The following AGMO variants were observed in gnomAD, a reference collection of about 807,000 sequenced individuals.
AGMO encodes the protein glyceryl-ether monooxygenase.
AGMO carries 75 observed loss-of-function variants against 60.2 expected under a neutral mutation model. The observed-to-expected ratio is 1.25, with a 90% CI of 1.03 to 1.51. The LOEUF is 1.51. Ranked by LOEUF, AGMO falls within the 40% of genes most tolerant of loss-of-function variation. The pLI is 0.00. For synonymous variants in AGMO, 261 were observed against 177.1 expected, an observed-to-expected ratio of 1.47 and a Z score of -3.76; for missense variants, 763 against 525.5, an observed-to-expected ratio of 1.45 and a Z score of -4.42.
chr7:15,354,244 A>T (rs527481543), intron 12 of AGMO, among the ~76,000 whole-genome samples: 3 of 150,758 alleles, frequency 2.0e-5, no homozygotes, highest in South Asian at 2.1e-4. Flanking sequence ...GTACCATTAC[A>T]GAACAGTAAA....
chr7:15,352,327 CT>C (rs1782271639), intron 12 of AGMO, among the ~76,000 whole-genome samples: 1 of 152,126 alleles, frequency 6.6e-6, no homozygotes, highest in Non-Finnish European at 1.5e-5. Context: ...TGGAAAATTC[CT>C]TCTCAGATTT....
intron 12 of AGMO, among the ~76,000 whole-genome samples, chr7:15,344,180 T>G (rs1781953237): frequency 6.6e-6 from 1 of 152,168 alleles, no homozygotes; most frequent in Non-Finnish European, 1.5e-5. Flanking sequence ...AAACAATGTA[T>G]GGCACATAGA....
At chr7:15,122,807 C>T in the AGMO span, among the ~76,000 whole-genome samples, 2 of 152,108 alleles carry the variant, frequency 1.3e-5, no homozygotes, top group Admixed American at 1.3e-4. Context: ...TTATGATACA[C>T]TTATTTGTTT....
chr7:15,220,983 C>T (rs1781901851), intron 12 of AGMO, among the ~76,000 whole-genome samples: 1 of 151,974 alleles, frequency 6.6e-6, no homozygotes, highest in Non-Finnish European at 1.5e-5. Context: ...TAAAAACATT[C>T]AAGAAAGTTG....
At chr7:15,147,739 A>G in the AGMO span, among the ~76,000 whole-genome samples, 5 of 152,160 alleles carry the variant, frequency 3.3e-5, no homozygotes, top group African/African-American at 1.2e-4. Context: ...TGTCTCTATC[A>G]AAGAGGGAAA....
intron 12 of AGMO, among the ~76,000 whole-genome samples, chr7:15,210,856 T>C (rs1233657358): frequency 1.3e-5 from 2 of 152,052 alleles, no homozygotes; most frequent in African/African-American, 4.8e-5. Flanking sequence ...AAATAAGTAC[T>C]GAATAAAAGC....
At chr7:15,406,922 TACACACGCGC>T (rs1784714892) in intron 5 of AGMO, among the ~76,000 whole-genome samples, 1 of 109,938 alleles carries the variant, frequency 9.1e-6, no homozygotes, top group African/African-American at 3.6e-5. Context: ...TTGTTTGGAA[TACACACGCGC>T]ACACACACAC....
intron 5 of AGMO, among the ~76,000 whole-genome samples, chr7:15,407,359 G>T (rs959202728): frequency 1.3e-5 from 2 of 150,618 alleles, no homozygotes; most frequent in Non-Finnish European, 3.0e-5. Context: ...TAGAATAGAA[G>T]GAAAGATTAT....
At chr7:15,145,463 T>C in the AGMO span, among the ~76,000 whole-genome samples, 2 of 152,142 alleles carry the variant, frequency 1.3e-5, no homozygotes, top group Non-Finnish European at 2.9e-5. Context: ...CATAAATATG[T>C]AGATATGTAG....
intron 12 of AGMO, among the ~76,000 whole-genome samples, chr7:15,246,971 A>C (rs1782761203): frequency 6.6e-6 from 1 of 152,010 alleles, no homozygotes; most frequent in Admixed American, 6.6e-5. Flanking sequence ...ATGCCTGGCT[A>C]ATTTGTGTAC....
At chr7:15,356,822 T>C (rs1009023072) in intron 12 of AGMO, among the ~76,000 whole-genome samples, 1 of 151,750 alleles carries the variant, frequency 6.6e-6, no homozygotes, top group South Asian at 2.1e-4. Flanking sequence ...ATAAAAATAT[T>C]AGGGCCCGGT....
intron 12 of AGMO, among the ~76,000 whole-genome samples, chr7:15,344,788 T>A (rs1474661604): frequency 6.6e-6 from 1 of 152,214 alleles, no homozygotes; most frequent in Non-Finnish European, 1.5e-5. Flanking sequence ...TAGATGCACT[T>A]GAGTAGTGTG....
intron 3 of AGMO, among the ~76,000 whole-genome samples, chr7:15,470,287 A>C (rs1583585323): frequency 6.6e-6 from 1 of 152,066 alleles, no homozygotes; most frequent in South Asian, 2.1e-4. Context: ...GGAAACAAAA[A>C]CTAGATGGAA....
At chr7:15,280,752 G>A (rs957695986) in intron 12 of AGMO, among the ~76,000 whole-genome samples, 1 of 152,182 alleles carries the variant, frequency 6.6e-6, no homozygotes, top group Non-Finnish European at 1.5e-5. Context: ...TGTGACCTCA[G>A]CCATCACCAT....
intron 5 of AGMO, among the ~76,000 whole-genome samples, chr7:15,417,034 G>A (rs1346057950): frequency 9.9e-5 from 15 of 152,032 alleles, no homozygotes; most frequent in Non-Finnish European, 2.1e-4. Flanking sequence ...TATAATAAAC[G>A]AATGTAACTA....
chr7:15,528,093 T>C (rs1030171421), intron 3 of AGMO, among the ~76,000 whole-genome samples: 1 of 152,162 alleles, frequency 6.6e-6, no homozygotes, highest in African/African-American at 2.4e-5. Context: ...TTTCCAGCCT[T>C]ACTATTTAAT....
At chr7:15,357,190 C>CGTGTGTGTGTGTGTGTGTGTGTGTGTGT (rs36124819) in intron 12 of AGMO, among the ~76,000 whole-genome samples, 1 of 144,362 alleles carries the variant, frequency 6.9e-6, no homozygotes, top group Non-Finnish European at 1.5e-5. Context: ...TATGAATATT[C>CGTGTGTGTGTGTGTGTGTGTGTGTGTGT]GTGTGTGTGT....
the AGMO span, among the ~76,000 whole-genome samples, chr7:15,121,424 T>C: frequency 1.1e-4 from 17 of 152,256 alleles, no homozygotes; most frequent in African/African-American, 3.4e-4. Context: ...TTGAACTAAT[T>C]TACACTCCCA....
chr7:15,477,687 C>T (rs1782633469), intron 3 of AGMO, among the ~76,000 whole-genome samples: 1 of 152,068 alleles, frequency 6.6e-6, no homozygotes, highest in African/African-American at 2.4e-5. Context: ...AATTTGTTAC[C>T]ATTAGTTACC....
Sources: allele counts gnomAD v4.1 joint callset (sites outside exome capture counted in the v4.1 genomes callset), GRCh38; gene constraint gnomAD v4.1.1; transcripts MANE v1.5; gene names NCBI Gene and HGNC (gene_info 2026-07-23, HGNC 2026-07-21).